EML6: variants seen among roughly 807,000 people sequenced by gnomAD.
EML6 encodes EMAP like 6.
In EML6, 154 loss-of-function variants were observed where a neutral mutation model predicts 240.1. The observed-to-expected ratio is 0.64, with a 90% CI of 0.56 to 0.73. The LOEUF is 0.73. Ranked by LOEUF, EML6 falls within the 30% of genes least tolerant of loss-of-function variation. EML6 has a pLI of 0.00. For missense variants in EML6, 2,964 were observed against 2,474.6 expected (o/e 1.20, Z -4.20); for synonymous variants, 1,148 against 899.0 (o/e 1.28, Z -4.95).
At chr2:54,798,540 T>G (rs1187195131) in intron 2 of EML6, among the ~76,000 whole-genome samples, 1 of 152,236 alleles carries the variant, frequency 6.6e-6, no homozygotes, top group Non-Finnish European at 1.5e-5. Flanking sequence ...AAGTACCTTA[T>G]GTTTTTTGAT....
intron 13 of EML6, among the ~76,000 whole-genome samples, chr2:54,864,764 T>A: frequency 6.6e-6 from 1 of 152,240 alleles, no homozygotes; most frequent in East Asian, 1.9e-4. Context: ...AATGCTTACC[T>A]AGGCTTATCT....
intron 2 of EML6, among the ~76,000 whole-genome samples, chr2:54,772,212 T>C (rs528680033): frequency 3.3e-5 from 5 of 152,360 alleles, no homozygotes; most frequent in Admixed American, 1.3e-4. Flanking sequence ...AGGTAGTTCA[T>C]GATTCTTGTG....
intron 24 of EML6, among the ~76,000 whole-genome samples, chr2:54,907,946 A>AGATAGAT (rs1202900130): frequency 3.7e-4 from 14 of 38,036 alleles, no homozygotes; most frequent in South Asian, 3.3e-3. Context: ...ATAGATAGAT[A>AGATAGAT]AGATAGATAG....
chr2:54,786,407 G>A (rs1669090733), intron 2 of EML6, among the ~76,000 whole-genome samples: 1 of 152,158 alleles, frequency 6.6e-6, no homozygotes, highest in Admixed American at 6.5e-5. Context: ...AGGGTATTGG[G>A]ACATTCACAG....
At chr2:54,873,097 C>T (rs772872688) in intron 16 of EML6, among the ~76,000 whole-genome samples, 32 of 152,226 alleles carry the variant, frequency 2.1e-4, no homozygotes, top group Non-Finnish European at 4.3e-4. Flanking sequence ...GCTTAATGCA[C>T]TTTGTCTTGC....
chr2:54,861,155 C>T (rs983864673), intron 12 of EML6, among the ~76,000 whole-genome samples: 5 of 152,154 alleles, frequency 3.3e-5, no homozygotes, highest in African/African-American at 1.2e-4. Context: ...AATAGCCTTC[C>T]AGCAGCCAGA....
intron 4 of EML6, among the ~76,000 whole-genome samples, chr2:54,818,941 C>A (rs1314778819): frequency 6.6e-6 from 1 of 152,086 alleles, no homozygotes; most frequent in Non-Finnish European, 1.5e-5. Context: ...ATACTTAATC[C>A]ATTACATTTA....
chr2:54,813,309 C>G lies in EML6; in HGVS notation c.275C>G (p.Ser92Cys). ...GAGCCATATATATGCATATGGGATTCCTATAATGTCCAGACTGTGTCTCTT... is the reference window on the plus strand; with the variant it reads ...GAGCCATATATATGCATATGGGATTGCTATAATGTCCAGACTGTGTCTCTT... ...GKEPYICIWD[S>C]YNVQTVSLLK... Residue 92 changes from serine (S) to cysteine (C), a missense_variant, in exon 3 of 42, where the codon TCC (serine) becomes TGC (cysteine). Ser to Cys is a moderately radical substitution (Grantham distance 112). Coordinates refer to ENST00000356458, the MANE Select transcript of EML6 (RefSeq NM_001039753.4). 6.4e-7 allele frequency: 1 copy of G among 1,550,972 alleles called. No homozygotes were observed. Among genetic ancestry groups the G allele is most frequent in the South Asian group, 1.2e-5 (1 of 84,016 alleles).
At position 54,934,241 on chromosome 2, in the gene EML6, A is replaced by C. The variant is rs74574762; in HGVS notation, c.4004+5490A>C. Among the ~76,000 whole-genome samples, 36 of 152,300 alleles carry C rather than the reference A, an allele frequency of 2.4e-4. No individual in the cohort carries two copies. The East Asian group carries it at 6.7e-3, about 29-fold the overall frequency. Reference sequence around the variant, plus strand: ...AGTAACATAATACTCTCTTAAAAGTACAGCTCTCCAAGTGTCCCAGGTTCC... The same window carrying C: ...AGTAACATAATACTCTCTTAAAAGTCCAGCTCTCCAAGTGTCCCAGGTTCC... On this transcript the variant is annotated intron_variant, in intron 28 of 41. Coordinates refer to ENST00000356458, the MANE Select transcript of EML6 (RefSeq NM_001039753.4).
chr2:54,925,550 C>G (rs1293704950), intron 26 of EML6, among the ~76,000 whole-genome samples: 1 of 152,148 alleles, frequency 6.6e-6, no homozygotes, highest in African/African-American at 2.4e-5. Context: ...ATTCTACTTT[C>G]CTATGAGTGG....
chr2:54,872,141 A>C (rs1041261244), intron 16 of EML6, among the ~76,000 whole-genome samples: 11 of 152,190 alleles, frequency 7.2e-5, no homozygotes, highest in African/African-American at 2.7e-4. Flanking sequence ...TCATCTCCTT[A>C]ATTTAAAATT....
intron 2 of EML6, among the ~76,000 whole-genome samples, chr2:54,727,690 C>T (rs1572827337): frequency 1.3e-5 from 2 of 152,148 alleles, no homozygotes; most frequent in Middle Eastern, 3.2e-3. Flanking sequence ...AAAACTTGTT[C>T]GTTTCTAATT....
At chr2:54,736,755 C>T (rs1053085323) in intron 2 of EML6, among the ~76,000 whole-genome samples, 1 of 152,146 alleles carries the variant, frequency 6.6e-6, no homozygotes, top group Admixed American at 6.6e-5. Context: ...CTGGTTTTCT[C>T]TTACCTCCCC....
chr2:54,954,779 GTGC>G (rs1676155259), intron 32 of EML6, among the ~76,000 whole-genome samples: 1 of 152,186 alleles, frequency 6.6e-6, no homozygotes, highest in Admixed American at 6.5e-5. Context: ...AACTAAAGAT[GTGC>G]AGTCCTCCTC....
chr2:54,938,513 A>G (rs1024407432), intron 28 of EML6, among the ~76,000 whole-genome samples: 8 of 152,160 alleles, frequency 5.3e-5, no homozygotes, highest in Admixed American at 2.0e-4. Flanking sequence ...GATGTATTTT[A>G]TACTTTTCTA....
intron 12 of EML6, 28 bp from the exon 13 acceptor site, chr2:54,863,755 T>C: frequency 7.8e-7 from 1 of 1,275,904 alleles, no homozygotes; most frequent in Non-Finnish European, 1.1e-6. Context: ...GAATTTTTGC[T>C]TGTTTCTTGT....
chr2:54,789,441 G>A (rs1304943008), intron 2 of EML6, among the ~76,000 whole-genome samples: 1 of 146,740 alleles, frequency 6.8e-6, no homozygotes, highest in Admixed American at 7.0e-5. Context: ...GTGAACCCGG[G>A]AGGCGGAGCT....
intron 24 of EML6, among the ~76,000 whole-genome samples, chr2:54,903,926 G>C (rs546625337): frequency 1.6e-4 from 25 of 152,216 alleles, no homozygotes; most frequent in Non-Finnish European, 3.5e-4. Flanking sequence ...TCCTCCTCCA[G>C]CAGAGGTAGA....
rs1446436093 is a variant in EML6 at position 54,903,038 on chromosome 2, C to T, written c.3125-6C>T. On this transcript the variant is annotated splice_region_variant and splice_polypyrimidine_tract_variant and intron_variant, in intron 22 of 41. Coordinates refer to ENST00000356458, the MANE Select transcript of EML6 (RefSeq NM_001039753.4). ...TAATAAGTGTTTTTTGTGGATTCTT[C>T]TGTAGGTGGAAGATGCTGTGCCTTT... The T allele has an allele frequency of 1.3e-6, 2 of 1,548,880 alleles. No individual in the cohort carries two copies. The highest frequency in any genetic ancestry group is 2.4e-5 in the South Asian group (2 of 83,086).
Sources: allele counts gnomAD v4.1 joint callset (sites outside exome capture counted in the v4.1 genomes callset), GRCh38; gene constraint gnomAD v4.1.1; transcripts MANE v1.5; gene names NCBI Gene and HGNC (gene_info 2026-07-23, HGNC 2026-07-21).